The following NCAM2 variants were observed in gnomAD, a reference collection of about 807,000 sequenced individuals.
NCAM2 encodes N-CAM-2.
Under a neutral mutation model 98.1 loss-of-function variants are expected in NCAM2, and 30 were observed. That is an observed-to-expected ratio of 0.31 (90% confidence interval 0.23 to 0.41). The LOEUF (loss-of-function observed/expected upper bound fraction) is 0.41, where lower values mean the gene tolerates loss of function less well. NCAM2 is among the 10% of genes least tolerant of loss of function. NCAM2 has a pLI of 1.00. For missense variants in NCAM2, 867 were observed against 1,005.8 expected, an observed-to-expected ratio of 0.86 and a Z score of 1.87; for synonymous variants, 368 against 342.4, an observed-to-expected ratio of 1.07 and a Z score of -0.83.
intron 1 of NCAM2, among the ~76,000 whole-genome samples, chr21:21,046,186 C>G (rs950123343): frequency 2.0e-5 from 3 of 152,120 alleles, no homozygotes; most frequent in Non-Finnish European, 4.4e-5. Context: ...TCTCATGATA[C>G]AAGTTTCTTC....
chr21:21,136,115 A>G (rs2067044880), intron 1 of NCAM2, among the ~76,000 whole-genome samples: 1 of 152,120 alleles, frequency 6.6e-6, no homozygotes, highest in African/African-American at 2.4e-5. Context: ...CTTTCTTTAC[A>G]TCTGGACCCA....
In NCAM2 at chr21:21,292,196, G is replaced by A. The variant is rs761740603; in HGVS notation, c.574G>A (p.Ala192Thr). 11 of 1,610,440 alleles carry A rather than the reference G, an allele frequency of 6.8e-6. No homozygotes were observed. The South Asian group carries it at 8.8e-5, about 13-fold the overall frequency. ...ATACAGATGTGAAGGAAGAGTGGAG[G>A]CCAGGGGAGAAATTGACTTCCGTGA... ...GIYRCEGRVEARGEIDFRDII... is the reference protein window; with the variant it reads ...GIYRCEGRVETRGEIDFRDII... Residue 192 changes from alanine to threonine, a missense_variant, in exon 5 of 18, where the codon GCC (alanine) becomes ACC (threonine). Ala to Thr is a moderately conservative substitution (Grantham distance 58). Coordinates refer to ENST00000400546, the MANE Select transcript of NCAM2 (RefSeq NM_004540.5).
intron 1 of NCAM2, among the ~76,000 whole-genome samples, chr21:21,222,452 A>C: frequency 6.6e-6 from 1 of 152,194 alleles, no homozygotes; most frequent in Admixed American, 6.6e-5. Context: ...TTTGTAATGC[A>C]TGGGAAGAAG....
chr21:21,518,153 G>A (rs1217697327), intron 16 of NCAM2, among the ~76,000 whole-genome samples: 1 of 152,246 alleles, frequency 6.6e-6, no homozygotes, highest in East Asian at 1.9e-4. Context: ...TAGAAATACA[G>A]GAGAATCGAT....
chr21:21,456,531 A>C (rs1226625590), intron 12 of NCAM2, among the ~76,000 whole-genome samples: 1 of 152,200 alleles, frequency 6.6e-6, no homozygotes, highest in East Asian at 1.9e-4. Flanking sequence ...TATTCTGAGA[A>C]AGACACTGTG....
intron 1 of NCAM2, among the ~76,000 whole-genome samples, chr21:21,137,343 A>G (rs2067078202): frequency 6.6e-6 from 1 of 152,262 alleles, no homozygotes; most frequent in Admixed American, 6.5e-5. Flanking sequence ...GTATGTATTT[A>G]CATATTGTGG....
chr21:21,208,534 T>C (rs558566647), intron 1 of NCAM2, among the ~76,000 whole-genome samples: 2 of 152,302 alleles, frequency 1.3e-5, no homozygotes, highest in African/African-American at 4.8e-5. Flanking sequence ...CAGCATCTTT[T>C]TATTTTAGCT....
intron 8 of NCAM2, among the ~76,000 whole-genome samples, chr21:21,373,363 A>T (rs922582811): frequency 2.0e-4 from 31 of 151,914 alleles, no homozygotes; most frequent in African/African-American, 7.0e-4. Context: ...ACAATATGAA[A>T]TTTTGCCAGT....
At chr21:21,118,985 GTTAT>G (rs907023358) in intron 1 of NCAM2, among the ~76,000 whole-genome samples, 7 of 152,070 alleles carry the variant, frequency 4.6e-5, no homozygotes, top group East Asian at 1.9e-4. Flanking sequence ...TATATCTATA[GTTAT>G]TCTTGTCACC....
intron 12 of NCAM2, among the ~76,000 whole-genome samples, chr21:21,437,763 T>C (rs1978601834): frequency 1.3e-5 from 2 of 152,156 alleles, no homozygotes; most frequent in Non-Finnish European, 2.9e-5. Flanking sequence ...TTTCAGAGTT[T>C]GCTTTCCTTT....
chr21:21,178,523 A>G (rs2068366930), intron 1 of NCAM2, among the ~76,000 whole-genome samples: 3 of 152,122 alleles, frequency 2.0e-5, no homozygotes, highest in South Asian at 2.1e-4. Context: ...GATATTTTCT[A>G]TGAAAGGAAT....
chr21:21,128,162 T>C (rs1206192627), intron 1 of NCAM2, among the ~76,000 whole-genome samples: 1 of 152,134 alleles, frequency 6.6e-6, no homozygotes, highest in Non-Finnish European at 1.5e-5. Context: ...GGTAGGGGAC[T>C]GTAGTTCATA....
At chr21:21,107,484 C>A (rs929231354) in intron 1 of NCAM2, among the ~76,000 whole-genome samples, 1 of 152,118 alleles carries the variant, frequency 6.6e-6, no homozygotes, top group Non-Finnish European at 1.5e-5. Context: ...TGAAAAGTGT[C>A]ATTCCACCCC....
At chr21:21,491,915 ATTTCTT>A (rs1358074184) in intron 15 of NCAM2, among the ~76,000 whole-genome samples, 1 of 151,506 alleles carries the variant, frequency 6.6e-6, no homozygotes, top group Admixed American at 6.6e-5. Context: ...CAGAACAGTT[ATTTCTT>A]TTTATTATTT....
At chr21:21,416,208 G>A (rs1167528792) in intron 10 of NCAM2, among the ~76,000 whole-genome samples, 2 of 152,134 alleles carry the variant, frequency 1.3e-5, no homozygotes, top group Admixed American at 6.5e-5. Flanking sequence ...AAGCCAAAGA[G>A]GGAGAGAGAT....
intron 1 of NCAM2, among the ~76,000 whole-genome samples, chr21:21,111,543 A>G (rs545677317): frequency 6.0e-4 from 92 of 152,268 alleles, no homozygotes; most frequent in Non-Finnish European, 1.1e-3. Flanking sequence ...CAGGCAGTGC[A>G]AGGAGAGAGA....
intron 1 of NCAM2, among the ~76,000 whole-genome samples, chr21:21,115,753 A>G (rs2066540883): frequency 6.6e-6 from 1 of 152,168 alleles, no homozygotes; most frequent in South Asian, 2.1e-4. Flanking sequence ...ATCATTCTAC[A>G]TTATTTTCCT....
intron 1 of NCAM2, among the ~76,000 whole-genome samples, chr21:21,144,063 C>A (rs1266445678): frequency 6.6e-6 from 1 of 151,710 alleles, no homozygotes; most frequent in Non-Finnish European, 1.5e-5. Context: ...AAAAATCAAC[C>A]TTTTGGCTGG....
chr21:21,276,568 C>T (rs1402114034), intron 1 of NCAM2, among the ~76,000 whole-genome samples: 1 of 151,940 alleles, frequency 6.6e-6, no homozygotes, highest in Non-Finnish European at 1.5e-5. Context: ...CATTAGGAAA[C>T]AATTTAGTTT....
Sources: gnomAD v4.1 joint callset for allele counts (sites outside exome capture counted in the v4.1 genomes callset) on GRCh38, gnomAD v4.1.1 for gene constraint, MANE v1.5 for transcripts, NCBI Gene and HGNC (gene_info 2026-07-23, HGNC 2026-07-21) for gene names.